RANBP17: variants seen among roughly 807,000 people sequenced by gnomAD.
RANBP17 encodes the protein RAN binding protein 17.
Under a neutral mutation model 141.2 loss-of-function variants are expected in RANBP17, and 158 were observed. The observed-to-expected ratio is 1.12, with a 90% confidence interval of 0.98 to 1.28. RANBP17 has a LOEUF of 1.28. Among genes scored for constraint, RANBP17 ranks in the 50% most tolerant of loss-of-function variants. The pLI is 0.00. For synonymous variants in RANBP17, 430 were observed against 450.0 expected (o/e 0.96, Z 0.56); for missense variants, 1,438 against 1,290.7 (o/e 1.11, Z -1.75).
rs569897916 is a variant in RANBP17 at position 170,941,806 on chromosome 5, G to T, written c.1469-11791G>T. 9.2e-5 allele frequency among the ~76,000 whole-genome samples: 14 copies of T among 152,284 alleles called. No homozygotes were observed. The South Asian group carries it at 2.9e-3, about 32-fold the overall frequency. On this transcript the variant is annotated intron_variant, in intron 12 of 27. Transcript: ENST00000523189. ...AAAGGAATTCTTATATACTTCTGGT[G>T]GGAGTATAAAGTGGAATCAGTTGGA...
Position 171,022,379 on chromosome 5 carries a change from G to A in RANBP17, c.1710+54002G>A, listed in dbSNP as rs138940914. Among the ~76,000 whole-genome samples the A allele has an allele frequency of 3.2e-4, 49 of 152,346 alleles. No individual in the cohort carries two copies. The East Asian group carries it at 8.9e-3, about 28-fold the overall frequency. On this transcript the variant is annotated intron_variant, in intron 14 of 27. Transcript: ENST00000523189. ...TCATCTGGGCTGCCTGGATTCCTCA[G>A]AACTACGAGGAGGAAAGGCTAAGTC... is the stretch of plus-strand genomic sequence containing the variant.
In RANBP17 at chr5:171,024,793, C is replaced by T. The variant is rs373864801; in HGVS notation, c.1710+56416C>T. Among the ~76,000 whole-genome samples, 73 of 151,410 alleles carry T rather than the reference C, an allele frequency of 4.8e-4. 3 individuals are homozygous for T. The South Asian group carries it at 0.015, about 30-fold the overall frequency. On this transcript the variant is annotated intron_variant, in intron 14 of 27. Coordinates refer to ENST00000523189, the MANE Select transcript of RANBP17 (RefSeq NM_022897.5). ...GGGCTAGGTTTCATGTCTGTCTTCT[C>T]CCTTTTTTTTTTCTTAAATAGCATC...
chr5:171,241,469 G>C (rs1764873984), intron 23 of RANBP17, among the ~76,000 whole-genome samples: 1 of 152,034 alleles, frequency 6.6e-6, no homozygotes, highest in African/African-American at 2.4e-5. Context: ...GAAGGCCTTT[G>C]TTAGTCAACC....
intron 5 of RANBP17, among the ~76,000 whole-genome samples, chr5:170,900,137 G>A (rs925666141): frequency 1.3e-5 from 2 of 152,026 alleles, no homozygotes; most frequent in Non-Finnish European, 2.9e-5. Flanking sequence ...TCGTGAATCC[G>A]TCTGGTCCAG....
At chr5:171,240,708 T>C (rs1764816177) in intron 22 of RANBP17, among the ~76,000 whole-genome samples, 1 of 152,174 alleles carries the variant, frequency 6.6e-6, no homozygotes, top group Non-Finnish European at 1.5e-5. Flanking sequence ...ATAGAGCTTT[T>C]CCAATATAAG....
chr5:170,890,317 A>C (rs182034048), intron 3 of RANBP17, among the ~76,000 whole-genome samples: 19 of 152,320 alleles, frequency 1.2e-4, no homozygotes, highest in Middle Eastern at 6.8e-3. Context: ...GATTACATGC[A>C]ACAAAGCTTA....
intron 22 of RANBP17, among the ~76,000 whole-genome samples, chr5:171,237,073 T>C (rs1764587557): frequency 6.6e-6 from 1 of 152,080 alleles, no homozygotes; most frequent in Non-Finnish European, 1.5e-5. Flanking sequence ...AAAAATAATT[T>C]TAAAAAAATA....
chr5:170,882,682 A>T (rs1221873424), intron 3 of RANBP17, among the ~76,000 whole-genome samples: 2 of 152,246 alleles, frequency 1.3e-5, no homozygotes, highest in African/African-American at 4.8e-5. Context: ...TCAGGATGCT[A>T]TATCAAAATC....
chr5:171,109,607 T>C (rs545738059), intron 14 of RANBP17, among the ~76,000 whole-genome samples: 1 of 152,352 alleles, frequency 6.6e-6, no homozygotes, highest in African/African-American at 2.4e-5. Context: ...TCCTCTCACA[T>C]ACTTTAAATC....
chr5:170,966,850 A>G (rs1303616950), intron 13 of RANBP17, among the ~76,000 whole-genome samples: 2 of 152,102 alleles, frequency 1.3e-5, no homozygotes, highest in Non-Finnish European at 2.9e-5. Context: ...GCAAAGTCTC[A>G]GGATACAAAA....
chr5:171,288,699 C>T (rs1009816603), intron 25 of RANBP17, among the ~76,000 whole-genome samples: 15 of 152,218 alleles, frequency 9.9e-5, no homozygotes, highest in Non-Finnish European at 1.6e-4. Context: ...CCCAGCAGAG[C>T]ACTGAGCACC....
intron 14 of RANBP17, among the ~76,000 whole-genome samples, chr5:170,994,524 T>C (rs1778700374): frequency 6.6e-6 from 1 of 152,096 alleles, no homozygotes; most frequent in Non-Finnish European, 1.5e-5. Context: ...CTTATGATTC[T>C]GAGTAACTAG....
At chr5:171,078,972 C>T (rs1785102937) in intron 14 of RANBP17, among the ~76,000 whole-genome samples, 1 of 152,188 alleles carries the variant, frequency 6.6e-6, no homozygotes, top group South Asian at 2.1e-4. Context: ...ACTGCAGCTG[C>T]CATAGATAGT....
intron 14 of RANBP17, among the ~76,000 whole-genome samples, chr5:171,079,315 C>T (rs1785122400): frequency 6.6e-6 from 1 of 152,116 alleles, no homozygotes; most frequent in Admixed American, 6.5e-5. Flanking sequence ...AAAATGGTAT[C>T]TTGAGATGGA....
intron 14 of RANBP17, among the ~76,000 whole-genome samples, chr5:171,115,155 A>T (rs1465509944): frequency 1.3e-5 from 2 of 152,122 alleles, no homozygotes; most frequent in South Asian, 4.1e-4. Context: ...AAGAAAACAA[A>T]TGAAAGAGAT....
chr5:170,892,494 G>A lies in RANBP17; in HGVS notation c.364G>A (p.Val122Ile), dbSNP rs1216876249. Residue 122 changes from valine (V) to isoleucine (I), a missense_variant, in exon 4 of 28, where the codon GTT (valine) becomes ATT (isoleucine). Transcript: ENST00000523189. ...AKITKLGWFE[V>I]QKDQFVFREI... The stretch of plus-strand genomic sequence containing the variant: ...AATCACTAAGTTGGGGTGGTTTGAG[G>A]TTCAGAAAGACCAATTTGTCTTCAG... 4 of 1,613,984 alleles carry A rather than the reference G, an allele frequency of 2.5e-6. No individual in the cohort carries two copies. Among genetic ancestry groups the A allele is most frequent in the Non-Finnish European group, 3.4e-6 (4 of 1,179,954 alleles).
chr5:171,242,094 A>C (rs1323548093), intron 23 of RANBP17, among the ~76,000 whole-genome samples: 1 of 151,872 alleles, frequency 6.6e-6, no homozygotes, highest in Non-Finnish European at 1.5e-5. Flanking sequence ...AAGTAGCTGG[A>C]ATTACCAGCA....
At chr5:170,984,603 A>G (rs932378795) in intron 14 of RANBP17, among the ~76,000 whole-genome samples, 3 of 152,092 alleles carry the variant, frequency 2.0e-5, no homozygotes, top group African/African-American at 7.2e-5. Flanking sequence ...TCCAGCTTGG[A>G]TGAGGCAGCA....
intron 14 of RANBP17, among the ~76,000 whole-genome samples, chr5:171,062,592 A>G (rs1471058203): frequency 6.6e-6 from 1 of 151,606 alleles, no homozygotes; most frequent in Non-Finnish European, 1.5e-5. Context: ...TGCCCTTAAA[A>G]TTTTTTCCTT....
Sources: allele counts gnomAD v4.1 joint callset (sites outside exome capture counted in the v4.1 genomes callset), GRCh38; gene constraint gnomAD v4.1.1; transcripts MANE v1.5; gene names NCBI Gene and HGNC (gene_info 2026-07-23, HGNC 2026-07-21).